COLEC10: variants seen among roughly 807,000 people sequenced by gnomAD.
COLEC10 encodes collectin-10.
Under a neutral mutation model 28.4 loss-of-function variants are expected in COLEC10, and 22 were observed. That is an observed-to-expected ratio of 0.78 (90% confidence interval 0.55 to 1.11). The LOEUF is 1.11. Among genes scored for constraint, COLEC10 ranks in the 50% least tolerant of loss-of-function variants. COLEC10 has a pLI of 0.00. For missense variants in COLEC10, 361 were observed against 344.1 expected (o/e 1.05, Z -0.39); for synonymous variants, 125 against 116.1 (o/e 1.08, Z -0.49).
At chr8:118,970,549 G>T in the COLEC10 span, among the ~76,000 whole-genome samples, 1 of 151,852 alleles carries the variant, frequency 6.6e-6, no homozygotes, top group Admixed American at 6.6e-5. Context: ...AATCAAATGA[G>T]ATCATATCTG....
At chr8:119,050,654 GT>G (rs1372090659) in intron 2 of COLEC10, among the ~76,000 whole-genome samples, 1 of 152,188 alleles carries the variant, frequency 6.6e-6, no homozygotes, top group East Asian at 1.9e-4. Context: ...TACAACTCAT[GT>G]GGAAAAAATG....
chr8:118,996,249 TACA>T (rs1252452609), intron 1 of COLEC10, among the ~76,000 whole-genome samples: 1 of 152,192 alleles, frequency 6.6e-6, no homozygotes, highest in Non-Finnish European at 1.5e-5. Context: ...TGTGTGTACA[TACA>T]ACATTTCCTT....
At position 119,024,938 on chromosome 8, in the gene COLEC10, G is replaced by A. The variant is rs557860955; in HGVS notation, n.235+15385G>A. ...ATGACTCTTTTTTTAAACCAGAAGA[G>A]ATCCGGGCAAGATAATAGACCTGTA... On this transcript the variant is annotated intron_variant and non_coding_transcript_variant, in intron 2 of 6. Transcript: ENST00000521788. Among the ~76,000 whole-genome samples the A allele has an allele frequency of 1.8e-4, 27 of 152,230 alleles. No individual in the cohort carries two copies. In the South Asian group the frequency reaches 2.7e-3, roughly 15 times the overall value.
chr8:119,014,872 C>T (rs979384126), intron 2 of COLEC10, among the ~76,000 whole-genome samples: 1 of 151,058 alleles, frequency 6.6e-6, no homozygotes, highest in Non-Finnish European at 1.5e-5. Flanking sequence ...CCACCAAAGG[C>T]ATTCTTCATT....
At chr8:119,025,275 C>T (rs974331524) in intron 2 of COLEC10, among the ~76,000 whole-genome samples, 1 of 152,186 alleles carries the variant, frequency 6.6e-6, no homozygotes, top group Non-Finnish European at 1.5e-5. Context: ...TCAACATTTG[C>T]TTTTAGACTT....
At chr8:119,019,699 C>T (rs532583329) in intron 2 of COLEC10, among the ~76,000 whole-genome samples, 13 of 152,278 alleles carry the variant, frequency 8.5e-5, no homozygotes, top group African/African-American at 2.9e-4. Flanking sequence ...GATTCCACAG[C>T]AATTGCATTT....
At chr8:119,036,582 C>T (rs1466622547) in intron 2 of COLEC10, among the ~76,000 whole-genome samples, 8 of 152,098 alleles carry the variant, frequency 5.3e-5, no homozygotes, top group Non-Finnish European at 5.9e-5. Flanking sequence ...GTGTACCTTC[C>T]TTTACAGCTG....
At chr8:119,056,848 G>A (rs1814770463) in intron 2 of COLEC10, among the ~76,000 whole-genome samples, 1 of 151,968 alleles carries the variant, frequency 6.6e-6, no homozygotes, top group Non-Finnish European at 1.5e-5. Context: ...ATGCCCTTCA[G>A]GATCTAGTCC....
intron 2 of COLEC10, among the ~76,000 whole-genome samples, chr8:119,059,698 A>T (rs1015184326): frequency 1.3e-5 from 2 of 152,004 alleles, no homozygotes; most frequent in African/African-American, 4.8e-5. Flanking sequence ...TTTTTTCCAT[A>T]CATGAAGGCC....
At chr8:118,984,796 G>A in the COLEC10 span, among the ~76,000 whole-genome samples, 2 of 152,096 alleles carry the variant, frequency 1.3e-5, no homozygotes, top group African/African-American at 4.8e-5. Flanking sequence ...AAAGAAAAGA[G>A]GTTTAATAGA....
intron 1 of COLEC10, among the ~76,000 whole-genome samples, chr8:119,001,364 C>T (rs1813696883): frequency 6.6e-6 from 1 of 151,852 alleles, no homozygotes; most frequent in South Asian, 2.1e-4. Flanking sequence ...ATGCTAAATC[C>T]CAATAGTGAC....
At chr8:118,994,269 C>T (rs886828227), upstream of COLEC10, among the ~76,000 whole-genome samples, 8 of 152,038 alleles carry the variant, frequency 5.3e-5, no homozygotes, top group African/African-American at 1.7e-4. Context: ...TAACAGTTTA[C>T]CTGTGAAGTG....
the COLEC10 span, among the ~76,000 whole-genome samples, chr8:118,987,045 A>T: frequency 6.6e-6 from 1 of 152,126 alleles, no homozygotes; most frequent in Non-Finnish European, 1.5e-5. Context: ...TGTGAATTTC[A>T]CCTTTAAAAA....
At chr8:118,976,086 G>C in the COLEC10 span, among the ~76,000 whole-genome samples, 1 of 151,992 alleles carries the variant, frequency 6.6e-6, no homozygotes, top group Non-Finnish European at 1.5e-5. Flanking sequence ...CTTAATTACA[G>C]TTTCTAAGCC....
chr8:119,061,907 A>C (rs1203304715), intron 2 of COLEC10, among the ~76,000 whole-genome samples: 1 of 152,196 alleles, frequency 6.6e-6, no homozygotes, highest in Non-Finnish European at 1.5e-5. Flanking sequence ...GAAATTTCTA[A>C]GAAAAGTAAA....
the COLEC10 span, among the ~76,000 whole-genome samples, chr8:118,980,899 G>T: frequency 3.3e-5 from 5 of 151,952 alleles, no homozygotes; most frequent in African/African-American, 7.2e-5. Flanking sequence ...TTGCAGGGGG[G>T]TGGATTGTTT....
chr8:118,996,786 T>C (rs143804872), intron 1 of COLEC10, among the ~76,000 whole-genome samples: 157 of 152,312 alleles, frequency 1.0e-3, no homozygotes, highest in Admixed American at 1.6e-3. Flanking sequence ...TCTGCTCAGC[T>C]TCTAGTGAGG....
intron 2 of COLEC10, among the ~76,000 whole-genome samples, chr8:119,056,345 G>C (rs1814761076): frequency 6.6e-6 from 1 of 151,936 alleles, no homozygotes; most frequent in Non-Finnish European, 1.5e-5. Flanking sequence ...CATAGTTCTG[G>C]ACAACGAGAT....
intron 1 of COLEC10, among the ~76,000 whole-genome samples, chr8:119,004,629 A>C (rs962745978): frequency 6.6e-6 from 1 of 151,430 alleles, no homozygotes; most frequent in Non-Finnish European, 1.5e-5. Flanking sequence ...ATATATATAT[A>C]TCTCCAGATA....
Sources: gnomAD v4.1 joint callset for allele counts (sites outside exome capture counted in the v4.1 genomes callset) on GRCh38, gnomAD v4.1.1 for gene constraint, MANE v1.5 for transcripts, NCBI Gene and HGNC (gene_info 2026-07-23, HGNC 2026-07-21) for gene names.